Variants in SYCP1 observed in about 807,000 individuals in gnomAD.
SYCP1 encodes the protein synaptonemal complex protein 1.
In SYCP1, 64 loss-of-function variants were observed where a neutral mutation model predicts 153.1. The observed-to-expected ratio is 0.42, with a 90% CI of 0.34 to 0.51. The LOEUF (loss-of-function observed/expected upper bound fraction) is 0.51. SYCP1 is among the 20% of genes least tolerant of loss of function. SYCP1 has a pLI of 0.06. For synonymous variants in SYCP1, 384 were observed against 341.8 expected (o/e 1.12, Z -1.36); for missense variants, 997 against 1,049.0 (o/e 0.95, Z 0.68).
intron 8 of SYCP1, among the ~76,000 whole-genome samples, chr1:114,864,787 C>G (rs948098975): frequency 6.6e-6 from 1 of 152,020 alleles, no homozygotes; most frequent in Non-Finnish European, 1.5e-5. Flanking sequence ...TGCCCTGGCC[C>G]ACATAATTTC....
At chr1:114,866,294 G>A (rs1022927053) in intron 8 of SYCP1, among the ~76,000 whole-genome samples, 6 of 151,884 alleles carry the variant, frequency 4.0e-5, no homozygotes, top group African/African-American at 9.7e-5. Context: ...TTTTATTTCC[G>A]CCAGCAGTGA....
At chr1:114,946,436 CTGG>C (rs1241976875) in intron 26 of SYCP1, 55 bp downstream of exon 26, 10 of 1,088,014 alleles carry the variant, frequency 9.2e-6, no homozygotes, top group Admixed American at 7.4e-5. Context: ...TCAGCAGTGA[CTGG>C]TGGTAAAGAA....
intron 19 of SYCP1, 30 bp from the exon 20 acceptor site, chr1:114,913,945 T>C: frequency 6.9e-7 from 1 of 1,446,026 alleles, no homozygotes; most frequent in East Asian, 2.4e-5. Flanking sequence ...TTAAACAAAA[T>C]AATTGATATA....
In SYCP1 at chr1:114,981,440, T is replaced by C. The variant is rs1444504710; in HGVS notation, c.2487T>C (p.His829=). 1.9e-6 allele frequency: 3 copies of C among 1,610,598 alleles called. No homozygotes were observed. Among genetic ancestry groups the C allele is most frequent in the East Asian group, 2.2e-5 (1 of 44,680 alleles). The part of the protein sequence containing the change: ...TVSRNFTSVD[H]GISKDKRDYL... ...CTCGAAATTTCACATCAGTTGATCA[T>C]GGCATATCCAAAGATAAAAGAGACT... is the stretch of plus-strand genomic sequence containing the variant. Residue 829 remains histidine (H), a synonymous_variant, in exon 29 of 32, where the codon CAT becomes CAC. Coordinates refer to ENST00000369522, the MANE Select transcript of SYCP1 (RefSeq NM_003176.4).
intron 30 of SYCP1, among the ~76,000 whole-genome samples, chr1:114,985,266 C>A (rs1226259532): frequency 1.3e-5 from 2 of 151,826 alleles, no homozygotes; most frequent in Admixed American, 6.6e-5. Context: ...ATACATGCTC[C>A]TTTTACATCA....
Position 114,911,493 on chromosome 1 carries a change from T to C in SYCP1, c.1440T>C (p.Asp480=). The C allele has an allele frequency of 1.3e-6, 2 of 1,554,118 alleles. No individual in the cohort carries two copies. The highest frequency in any genetic ancestry group is 1.7e-6 in the Non-Finnish European group (2 of 1,156,176). The change falls in exon 18 of 32, where the codon GAT becomes GAC. Residue 480 remains aspartate (D), a synonymous_variant. Transcript: ENST00000369522. ...TTATTTTGCAGAAAGAAGTACATGA[T>C]TTGGAAATACAGTTAACTGCCATTA... is the stretch of plus-strand genomic sequence containing the variant. ...LLQAREKEVH[D]LEIQLTAITT...
intron 8 of SYCP1, among the ~76,000 whole-genome samples, chr1:114,868,121 T>A (rs1353118580): frequency 6.6e-6 from 1 of 151,808 alleles, no homozygotes; most frequent in Non-Finnish European, 1.5e-5. Flanking sequence ...GTTGTATAAT[T>A]TTTTTTATAC....
At chr1:114,917,605 ATGAGGGTTTCCTT>A (rs1006361871) in intron 20 of SYCP1, among the ~76,000 whole-genome samples, 4 of 152,114 alleles carry the variant, frequency 2.6e-5, no homozygotes, top group Non-Finnish European at 5.9e-5. Flanking sequence ...CCAGCAGTGT[ATGAGGGTTTCCTT>A]TTTCTCTGCA....
chr1:114,932,856 G>T (rs1428625455), intron 23 of SYCP1, among the ~76,000 whole-genome samples: 2 of 152,198 alleles, frequency 1.3e-5, no homozygotes, highest in Non-Finnish European at 2.9e-5. Flanking sequence ...ACTGGGGGAG[G>T]GGCATCTGCC....
chr1:114,936,435 C>T (rs1301759434), intron 23 of SYCP1, among the ~76,000 whole-genome samples: 2 of 152,204 alleles, frequency 1.3e-5, no homozygotes, highest in Non-Finnish European at 1.5e-5. Context: ...GACAAACCCA[C>T]AGCCAATACC....
At chr1:114,932,652 C>G (rs562675515) in intron 23 of SYCP1, among the ~76,000 whole-genome samples, 1 of 152,306 alleles carries the variant, frequency 6.6e-6, no homozygotes, top group South Asian at 2.1e-4. Context: ...CCTTTCCTAA[C>G]CAAGAGAAGC....
intron 27 of SYCP1, among the ~76,000 whole-genome samples, chr1:114,958,296 G>GGA (rs1671560451): frequency 6.6e-6 from 1 of 152,152 alleles, no homozygotes; most frequent in South Asian, 2.1e-4. Context: ...AGGGTAGTGG[G>GGA]GAGGGAGGGA....
intron 1 of SYCP1, 36 bp from the exon 2 acceptor site, chr1:114,855,405 A>G: frequency 3.0e-6 from 4 of 1,319,162 alleles, no homozygotes; most frequent in Non-Finnish European, 4.1e-6. Flanking sequence ...GGTGAAAAAA[A>G]ACTTTCCTTC....
intron 27 of SYCP1, among the ~76,000 whole-genome samples, chr1:114,955,865 A>G (rs1671401903): frequency 6.6e-6 from 1 of 152,194 alleles, no homozygotes; most frequent in African/African-American, 2.4e-5. Context: ...CAGTCCTCTA[A>G]GTGGCTTGGC....
At chr1:114,856,778 A>G (rs1663971990) in intron 3 of SYCP1, 121 bp downstream of exon 3, 4 of 710,640 alleles carry the variant, frequency 5.6e-6, no homozygotes, top group Non-Finnish European at 8.8e-6. Context: ...AGCTAGATAT[A>G]ATACTTAATA....
chr1:114,974,356 CAT>C (rs2101924153), intron 27 of SYCP1, among the ~76,000 whole-genome samples: 1 of 151,922 alleles, frequency 6.6e-6, no homozygotes, highest in East Asian at 1.9e-4. Flanking sequence ...GTGATAAAAA[CAT>C]ATAACATTAA....
At chr1:114,857,167 G>GAAAAAAAAA (rs1374529723) in intron 3 of SYCP1, 65 bp from the exon 4 acceptor site, 10 of 562,402 alleles carry the variant, frequency 1.8e-5, no homozygotes, top group East Asian at 8.7e-5. Flanking sequence ...AGAGAAAAAA[G>GAAAAAAAAA]AAAAAAAAAA....
At chr1:114,941,767 G>T (rs1467986633) in intron 23 of SYCP1, among the ~76,000 whole-genome samples, 1 of 151,998 alleles carries the variant, frequency 6.6e-6, no homozygotes, top group Non-Finnish European at 1.5e-5. Flanking sequence ...AAACTTTATA[G>T]CACAGACATA....
chr1:114,887,677 G>A lies in SYCP1; in HGVS notation c.1242G>A (p.Lys414=), dbSNP rs1008595577. 5.2e-6 allele frequency: 8 copies of A among 1,552,806 alleles called. No individual in the cohort carries two copies. Among genetic ancestry groups the A allele is most frequent in the Non-Finnish European group, 7.0e-6 (8 of 1,145,978 alleles). The change falls in exon 15 of 32, where the codon AAG becomes AAA. Residue 414 remains lysine, a synonymous_variant. Coordinates refer to ENST00000369522, the MANE Select transcript of SYCP1 (RefSeq NM_003176.4). The part of the protein sequence containing the change: ...QLKILTMELQ[K]KSSELEEMTK... ...AAATACTTACCATGGAGCTTCAAAA[G>A]AAATCAAGTGAGCTGGGTAAGACTT...
Sources: allele counts gnomAD v4.1 joint callset (sites outside exome capture counted in the v4.1 genomes callset), GRCh38; gene constraint gnomAD v4.1.1; transcripts MANE v1.5; gene names NCBI Gene and HGNC (gene_info 2026-07-23, HGNC 2026-07-21).